The following SLCO1A2 variants were observed in gnomAD, a reference collection of about 807,000 sequenced individuals.
SLCO1A2 encodes the protein OATP-1.
In SLCO1A2, 67 loss-of-function variants were observed where a neutral mutation model predicts 69.0. The observed-to-expected ratio is 0.97, with a 90% CI of 0.80 to 1.19. SLCO1A2 has a LOEUF of 1.19. Among genes scored for constraint, SLCO1A2 ranks in the 50% most tolerant of loss-of-function variants. The pLI, the probability that SLCO1A2 is intolerant of heterozygous loss-of-function variation, is 0.00. For synonymous variants in SLCO1A2, 260 were observed against 265.9 expected (o/e 0.98, Z 0.22); for missense variants, 787 against 793.7 (o/e 0.99, Z 0.10).
rs1306737638 is a variant in SLCO1A2 at position 21,274,514 on chromosome 12, C to T, written c.1748G>A (p.Cys583Tyr). Residue 583 changes from cysteine (C) to tyrosine (Y), a missense_variant, in exon 14 of 15, where the codon TGT becomes TAT. Cys to Tyr is a radical substitution (Grantham distance 194). Coordinates refer to ENST00000683939, the MANE Select transcript of SLCO1A2 (RefSeq NM_001386879.1). ...STCLHWGTLK[C>Y]GESGACRIYD... ...TATCCTGCATGCCCCTGACTCACCA[C>T]ATTTCAAAGTTCCCCAGTGTAAACA... The T allele has an allele frequency of 5.6e-6, 9 of 1,613,610 alleles. No homozygotes were observed. The African/African-American group carries it at 1.1e-4, about 19-fold the overall frequency.
intron 2 of SLCO1A2, among the ~76,000 whole-genome samples, chr12:21,330,282 T>G (rs972494128): frequency 6.6e-6 from 1 of 152,060 alleles, no homozygotes; most frequent in African/African-American, 2.4e-5. Context: ...CATTTTAGTC[T>G]AGGTGTTCGA....
At chr12:21,271,114 G>T (rs1942750879) in intron 14 of SLCO1A2, among the ~76,000 whole-genome samples, 1 of 151,708 alleles carries the variant, frequency 6.6e-6, no homozygotes, top group Non-Finnish European at 1.5e-5. Context: ...ACTTGTAAAT[G>T]CTCTATTTGC....
intron 12 of SLCO1A2, among the ~76,000 whole-genome samples, chr12:21,278,940 A>T (rs531677000): frequency 6.6e-6 from 1 of 152,292 alleles, no homozygotes; most frequent in South Asian, 2.1e-4. Context: ...AGGAAACTCA[A>T]AGAAATTCAA....
At chr12:21,294,147 G>A in intron 10 of SLCO1A2, 37 bp from the exon 11 acceptor site, 2 of 1,432,154 alleles carry the variant, frequency 1.4e-6, no homozygotes, top group Non-Finnish European at 1.9e-6. Flanking sequence ...GATATTAAAA[G>A]AGGATTCAAT....
At chr12:21,367,309 A>G (rs2045939) in intron 2 of SLCO1A2, among the ~76,000 whole-genome samples, 49,108 of 152,016 alleles carry the variant, frequency 0.32, 8,239 homozygotes, top group East Asian at 0.46. Context: ...AAATAAGGAC[A>G]TAAATCAAGA....
chr12:21,362,332 T>C (rs1403716413), intron 2 of SLCO1A2, among the ~76,000 whole-genome samples: 1 of 152,132 alleles, frequency 6.6e-6, no homozygotes, highest in East Asian at 1.9e-4. Flanking sequence ...TAAAATGCTT[T>C]ACAGACAAAC....
chr12:21,329,451 C>T (rs1363583037), intron 2 of SLCO1A2, among the ~76,000 whole-genome samples: 1 of 151,606 alleles, frequency 6.6e-6, no homozygotes, highest in African/African-American at 2.4e-5. Flanking sequence ...CATTCTTGTA[C>T]ATTCATTTAG....
At chr12:21,400,177 C>G (rs986548456), upstream of SLCO1A2, among the ~76,000 whole-genome samples, 1 of 151,962 alleles carries the variant, frequency 6.6e-6, no homozygotes, top group Non-Finnish European at 1.5e-5. Context: ...AACAAATTTA[C>G]AAGAAAAAAA....
chr12:21,414,924 T>C (rs1941966323), intron 1 of SLCO1A2, among the ~76,000 whole-genome samples: 1 of 152,116 alleles, frequency 6.6e-6, no homozygotes, highest in Non-Finnish European at 1.5e-5. Context: ...ATCATTATTT[T>C]GTACCTTAAA....
intron 1 of SLCO1A2, among the ~76,000 whole-genome samples, chr12:21,412,345 C>T (rs961960801): frequency 6.6e-6 from 1 of 151,976 alleles, no homozygotes; most frequent in African/African-American, 2.4e-5. Context: ...TGCACCACTA[C>T]ACTCCAGCCT....
Position 21,292,242 on chromosome 12 carries a change from T to C in SLCO1A2, c.1532A>G (p.Gln511Arg), listed in dbSNP as rs1398618167. The C allele has an allele frequency of 6.2e-7, 1 of 1,613,294 alleles. No homozygotes were observed. Among genetic ancestry groups the C allele is most frequent in the South Asian group, 1.1e-5 (1 of 91,012 alleles). Residue 511 changes from glutamine (Q) to arginine (R), a missense_variant, in exon 12 of 15, where the codon CAG becomes CGG. Gln to Arg is a conservative substitution (Grantham distance 43). Transcript: ENST00000683939. The part of the protein sequence containing the change: ...DKGPDCSLML[Q>R]YFLILSAMSS... The stretch of plus-strand genomic sequence containing the variant: ...CATCGCTGACAAGATTAGGAAGTAC[T>C]GGAGCATCAAGGAACAGTCAGGTCC...
At chr12:21,372,874 A>G in intron 2 of SLCO1A2, 1 of 186,876 alleles carries the variant, frequency 5.4e-6, no homozygotes, top group South Asian at 1.1e-4. Context: ...TGAGGGGTAT[A>G]TAAGAGCTGG....
intron 10 of SLCO1A2, 125 bp from the exon 11 acceptor site, chr12:21,294,235 C>T (rs998640906): frequency 4.9e-5 from 36 of 740,424 alleles, no homozygotes; most frequent in Non-Finnish European, 6.9e-5. Context: ...ATTTTCCAGT[C>T]ATCAATGTGT....
intron 1 of SLCO1A2, among the ~76,000 whole-genome samples, chr12:21,413,131 T>A (rs920894270): frequency 6.6e-6 from 1 of 152,044 alleles, no homozygotes; most frequent in African/African-American, 2.4e-5. Flanking sequence ...TGTGCACATA[T>A]TCCTTTCTTC....
At chr12:21,333,040 G>A (rs7968842) in intron 2 of SLCO1A2, among the ~76,000 whole-genome samples, 54,999 of 151,772 alleles carry the variant, frequency 0.36, 10,532 homozygotes, top group African/African-American at 0.49. Context: ...TTTTTATATT[G>A]AATACCATTT....
chr12:21,350,813 G>A (rs1937881370), intron 2 of SLCO1A2, among the ~76,000 whole-genome samples: 1 of 109,714 alleles, frequency 9.1e-6, no homozygotes, highest in African/African-American at 3.5e-5. Flanking sequence ...CTCCAGCCTG[G>A]TGACAGAGCA....
At chr12:21,376,662 T>TAA (rs141702135) in intron 1 of SLCO1A2, among the ~76,000 whole-genome samples, 8,095 of 148,122 alleles carry the variant, frequency 0.055, 534 homozygotes, top group African/African-American at 0.17. Context: ...GAGTAAAATT[T>TAA]AAAAAAAAAA....
At chr12:21,372,935 G>C (rs1447698993) in intron 2 of SLCO1A2, 1 of 236,554 alleles carries the variant, frequency 4.2e-6, no homozygotes, top group African/African-American at 2.4e-5. Flanking sequence ...TACAAGCTTG[G>C]ACTCTTTTCT....
intron 2 of SLCO1A2, among the ~76,000 whole-genome samples, chr12:21,343,774 C>T (rs951905363): frequency 6.6e-6 from 1 of 152,078 alleles, no homozygotes; most frequent in Non-Finnish European, 1.5e-5. Flanking sequence ...AGAAGACTCT[C>T]CCCTAGCTTA....
Sources: gnomAD v4.1 joint callset for allele counts (sites outside exome capture counted in the v4.1 genomes callset) on GRCh38, gnomAD v4.1.1 for gene constraint, MANE v1.5 for transcripts, NCBI Gene and HGNC (gene_info 2026-07-23, HGNC 2026-07-21) for gene names.